CNTNAP2: variants seen among roughly 807,000 people sequenced by gnomAD.
CNTNAP2 encodes the protein contactin-associated protein-like 2.
CNTNAP2 carries 98 observed loss-of-function variants against 155.2 expected under a neutral mutation model. The ratio of observed to expected loss-of-function variants is 0.63; its 90% confidence interval spans 0.54 to 0.75. CNTNAP2 has a LOEUF of 0.75. CNTNAP2 is among the 30% of genes least tolerant of loss of function. The pLI is 0.00. For missense variants in CNTNAP2, 1,727 were observed against 1,688.1 expected (o/e 1.02, Z -0.40); for synonymous variants, 651 against 631.2 (o/e 1.03, Z -0.47).
In CNTNAP2 at chr7:146,460,270, C is replaced by T. The variant is rs149344703; in HGVS notation, c.98-314001C>T. On this transcript the variant is annotated intron_variant, in intron 1 of 23. Transcript: ENST00000361727. ...AAAATTATAACAAGGATTATTAATTCTTATTAAGTGTTAACAAGCATGTGG... is the reference window on the plus strand; with the variant it reads ...AAAATTATAACAAGGATTATTAATTTTTATTAAGTGTTAACAAGCATGTGG... Among the ~76,000 whole-genome samples, 835 of 152,204 alleles carry T rather than the reference C, an allele frequency of 5.5e-3. 2 individuals carry two copies. Among genetic ancestry groups the T allele is most frequent in the Non-Finnish European group, 9.3e-3 (630 of 68,002 alleles).
chr7:147,382,324 T>C (rs1796550164), intron 9 of CNTNAP2, among the ~76,000 whole-genome samples: 1 of 152,110 alleles, frequency 6.6e-6, no homozygotes. Context: ...GTAGAAAATC[T>C]GTGGTAGTCT....
chr7:147,513,329 G>A lies in CNTNAP2; in HGVS notation c.1777+27288G>A, dbSNP rs150464884. ...TATAATCTTCTTAAGGCAAGAGGCC[G>A]TGGATTGCCCTTTTTTTTTTCCATT... On this transcript the variant is annotated intron_variant, in intron 11 of 23. Transcript: ENST00000361727. 1.1e-3 allele frequency among the ~76,000 whole-genome samples: 173 copies of A among 152,020 alleles called. 1 individual carries two copies. Among genetic ancestry groups the A allele is most frequent in the African/African-American group, 3.8e-3 (156 of 41,446 alleles).
intron 1 of CNTNAP2, among the ~76,000 whole-genome samples, chr7:146,525,299 A>AAAAGATTTTGT (rs200844975): frequency 6.6e-6 from 1 of 152,108 alleles, no homozygotes; most frequent in African/African-American, 2.4e-5. Flanking sequence ...CTTGTTTTCG[A>AAAAGATTTTGT]AACAACGCCA....
chr7:146,186,328 T>A (rs573576463), intron 1 of CNTNAP2, among the ~76,000 whole-genome samples: 1 of 152,244 alleles, frequency 6.6e-6, no homozygotes, highest in African/African-American at 2.4e-5. Context: ...GGAAAAATGA[T>A]TTTGTTTTTC....
intron 13 of CNTNAP2, among the ~76,000 whole-genome samples, chr7:147,849,449 C>G (rs530116393): frequency 6.6e-6 from 1 of 152,190 alleles, no homozygotes; most frequent in Non-Finnish European, 1.5e-5. Flanking sequence ...CAGGATTTTA[C>G]TCCAGACTGT....
intron 21 of CNTNAP2, among the ~76,000 whole-genome samples, chr7:148,287,268 T>C (rs1255689240): frequency 6.6e-6 from 1 of 152,228 alleles, no homozygotes; most frequent in African/African-American, 2.4e-5. Flanking sequence ...TTTCTTTTGA[T>C]TGATAAATAA....
At chr7:147,959,259 G>A (rs184029282) in intron 14 of CNTNAP2, among the ~76,000 whole-genome samples, 16 of 152,084 alleles carry the variant, frequency 1.1e-4, no homozygotes, top group South Asian at 2.1e-4. Context: ...GCCTCATAGC[G>A]TCTTTCCATG....
At chr7:146,707,314 G>C (rs1320234799) in intron 1 of CNTNAP2, among the ~76,000 whole-genome samples, 2 of 152,122 alleles carry the variant, frequency 1.3e-5, no homozygotes, top group Admixed American at 1.3e-4. Context: ...CTCTTCATTT[G>C]TGATGGGCAT....
intron 15 of CNTNAP2, among the ~76,000 whole-genome samples, chr7:148,022,381 A>G (rs1250633953): frequency 2.0e-5 from 3 of 150,760 alleles, no homozygotes; most frequent in South Asian, 2.1e-4. Context: ...AGGCAGGAGA[A>G]TTGCTTGAAC....
Position 146,981,586 on chromosome 7 carries a change from AT to A in CNTNAP2, c.403-62314del, listed in dbSNP as rs557061286. Among the ~76,000 whole-genome samples, 14 of 152,144 alleles carry A rather than the reference AT, an allele frequency of 9.2e-5. No homozygotes were observed. The South Asian group carries it at 2.5e-3, about 27-fold the overall frequency. Reference sequence around the variant, plus strand: ...GTATTCCTAATTTACGTTGATTTCCATTTTTTTAATCTCAAAGTAATATTTC... The same window carrying A: ...GTATTCCTAATTTACGTTGATTTCCATTTTTTAATCTCAAAGTAATATTTC... On this transcript the variant is annotated intron_variant, in intron 3 of 23. Coordinates refer to ENST00000361727, the MANE Select transcript of CNTNAP2 (RefSeq NM_014141.6).
At chr7:146,757,864 T>C (rs1802019717) in intron 1 of CNTNAP2, among the ~76,000 whole-genome samples, 1 of 152,184 alleles carries the variant, frequency 6.6e-6, no homozygotes, top group South Asian at 2.1e-4. Context: ...TTGGTGGCTA[T>C]ATGAACTTCA....
At chr7:148,106,285 G>A (rs1337468897) in intron 15 of CNTNAP2, among the ~76,000 whole-genome samples, 1 of 152,030 alleles carries the variant, frequency 6.6e-6, no homozygotes, top group African/African-American at 2.4e-5. Context: ...GCTTTACCTT[G>A]ATGATTTATA....
chr7:147,837,339 A>G (rs1798650324), intron 13 of CNTNAP2, among the ~76,000 whole-genome samples: 1 of 152,178 alleles, frequency 6.6e-6, no homozygotes, highest in Admixed American at 6.5e-5. Flanking sequence ...TCATGAGACT[A>G]GCACAGGAAA....
chr7:146,186,280 CTTCA>C (rs1319945672), intron 1 of CNTNAP2, among the ~76,000 whole-genome samples: 2 of 152,002 alleles, frequency 1.3e-5, no homozygotes, highest in Non-Finnish European at 2.9e-5. Context: ...TTACCTTTAC[CTTCA>C]TTCCCCCAAA....
chr7:146,777,948 T>A (rs10234119), intron 2 of CNTNAP2, among the ~76,000 whole-genome samples: 2 of 152,026 alleles, frequency 1.3e-5, no homozygotes, highest in South Asian at 4.2e-4. Context: ...CTGGAAGATA[T>A]AAAGAAGACA....
intron 1 of CNTNAP2, among the ~76,000 whole-genome samples, chr7:146,198,402 C>A (rs760847966): frequency 6.6e-6 from 1 of 152,014 alleles, no homozygotes; most frequent in Non-Finnish European, 1.5e-5. Flanking sequence ...ATGACTTATT[C>A]GTTATATTGA....
At chr7:147,993,659 T>C (rs1013872967) in intron 15 of CNTNAP2, among the ~76,000 whole-genome samples, 2 of 152,252 alleles carry the variant, frequency 1.3e-5, no homozygotes, top group African/African-American at 4.8e-5. Context: ...ATATCACATC[T>C]GAAACCAGTC....
intron 3 of CNTNAP2, among the ~76,000 whole-genome samples, chr7:147,042,606 A>T (rs1799280981): frequency 6.6e-6 from 1 of 152,146 alleles, no homozygotes; most frequent in Non-Finnish European, 1.5e-5. Context: ...ACTTTAAAAC[A>T]TCATTATTAA....
At chr7:147,186,074 TAAC>T (rs1802560296) in intron 8 of CNTNAP2, among the ~76,000 whole-genome samples, 1 of 152,172 alleles carries the variant, frequency 6.6e-6, no homozygotes, top group Non-Finnish European at 1.5e-5. Context: ...GAGAACAGAC[TAAC>T]ATGTGCATAT....
Sources: gnomAD v4.1 joint callset for allele counts (sites outside exome capture counted in the v4.1 genomes callset) on GRCh38, gnomAD v4.1.1 for gene constraint, MANE v1.5 for transcripts, NCBI Gene and HGNC (gene_info 2026-07-23, HGNC 2026-07-21) for gene names.